CCDC7: variants seen among roughly 807,000 people sequenced by gnomAD.
CCDC7 encodes coiled-coil domain-containing protein 7.
CCDC7 carries 183 observed loss-of-function variants against 196.9 expected under a neutral mutation model. The ratio of observed to expected loss-of-function variants is 0.93; its 90% CI spans 0.82 to 1.05. CCDC7 has a LOEUF of 1.05. CCDC7 is among the 50% of genes least tolerant of loss of function. The pLI, the probability that CCDC7 is intolerant of heterozygous loss-of-function variation, is 0.00. For missense variants in CCDC7, 1,540 were observed against 1,482.2 expected, an observed-to-expected ratio of 1.04 and a Z score of -0.64; for synonymous variants, 525 against 484.6, an observed-to-expected ratio of 1.08 and a Z score of -1.10.
At chr10:32,583,294 C>T in exon 17 of CCDC7, 1 of 1,230,728 alleles carries the variant, frequency 8.1e-7, no homozygotes, top group East Asian at 3.2e-5. Flanking sequence ...CCTGTTCTTA[C>T]AGAAAGTAAA....
intron 41 of CCDC7, among the ~76,000 whole-genome samples, chr10:32,860,249 C>T (rs186411733): frequency 6.6e-6 from 1 of 152,182 alleles, no homozygotes; most frequent in African/African-American, 2.4e-5. Context: ...GGATGCAAGG[C>T]TGGTTCAGCA....
intron 9 of CCDC7, 22 bp from the exon 11 acceptor site, chr10:32,517,923 C>T (rs1564526274): frequency 2.5e-6 from 4 of 1,585,394 alleles, no homozygotes; most frequent in African/African-American, 1.4e-5. Context: ...TATAAACACA[C>T]TTTTTTTGGT....
intron 28 of CCDC7, among the ~76,000 whole-genome samples, chr10:32,759,628 T>A (rs950654547): frequency 1.4e-4 from 21 of 151,980 alleles, no homozygotes; most frequent in Non-Finnish European, 2.1e-4. Flanking sequence ...GTAGACCTAA[T>A]ACCATAAAAA....
rs1051875495 is a variant in CCDC7, at chr10:32,531,745, T to C, written c.994-11555T>C. On this transcript the variant is annotated intron_variant, in intron 11 of 41. Coordinates refer to ENST00000639629, the Ensembl canonical transcript of CCDC7. ...ATCTTGTTACTTATTATTGGTTTGC[T>C]GATGTTTTCTATTTCTCCATGGTTC... 3.4e-4 allele frequency among the ~76,000 whole-genome samples: 52 copies of C among 152,206 alleles called. 2 individuals carry two copies. The highest frequency in any genetic ancestry group is 4.4e-5 in the Non-Finnish European group (3 of 68,036).
chr10:32,692,357 C>T (rs562434843), intron 23 of CCDC7, among the ~76,000 whole-genome samples: 3 of 152,330 alleles, frequency 2.0e-5, no homozygotes, highest in African/African-American at 7.2e-5. Flanking sequence ...GTATGTGAAT[C>T]AGAGGATAAA....
chr10:32,550,898 T>C (rs1184602195), intron 13 of CCDC7, among the ~76,000 whole-genome samples: 1 of 152,152 alleles, frequency 6.6e-6, no homozygotes, highest in East Asian at 1.9e-4. Context: ...GGTATTGGGG[T>C]GATGCTGGCT....
At chr10:32,459,370 A>G (rs1180277058) in intron 3 of CCDC7, among the ~76,000 whole-genome samples, 2 of 152,126 alleles carry the variant, frequency 1.3e-5, no homozygotes, top group Non-Finnish European at 2.9e-5. Flanking sequence ...CAAAAGTGGG[A>G]ACCTCTAGAG....
At chr10:32,830,732 A>G (rs565752374) in intron 32 of CCDC7, among the ~76,000 whole-genome samples, 6 of 152,330 alleles carry the variant, frequency 3.9e-5, no homozygotes, top group Admixed American at 2.0e-4. Flanking sequence ...TAGTTTTAAC[A>G]GAAGAAATAA....
chr10:32,740,255 C>T (rs1055505884), intron 28 of CCDC7, among the ~76,000 whole-genome samples: 21 of 152,038 alleles, frequency 1.4e-4, no homozygotes, highest in Non-Finnish European at 4.4e-5. Context: ...AAAATAGTTT[C>T]CCTTGAGTGT....
At chr10:32,779,146 T>G (rs2080615648) in intron 29 of CCDC7, 62 bp downstream of exon 30, 9 of 1,215,758 alleles carry the variant, frequency 7.4e-6, no homozygotes, top group Non-Finnish European at 7.9e-6. Flanking sequence ...ATATTTCAAC[T>G]GTATAGTTCT....
At chr10:32,806,915 A>G (rs893268322) in intron 30 of CCDC7, among the ~76,000 whole-genome samples, 5 of 152,292 alleles carry the variant, frequency 3.3e-5, no homozygotes, top group Non-Finnish European at 7.4e-5. Flanking sequence ...CACTAAGATT[A>G]AAAGCTGACT....
intron 9 of CCDC7, chr10:32,513,832 T>C (rs569059120): frequency 6.6e-6 from 1 of 152,264 alleles, no homozygotes. Flanking sequence ...AAACCAGGAA[T>C]AGAAGGAAAC....
chr10:32,879,429 C>T (rs193156074), downstream of CCDC7, among the ~76,000 whole-genome samples: 2 of 152,074 alleles, frequency 1.3e-5, no homozygotes, highest in East Asian at 3.9e-4. Context: ...TTGCTCGGGG[C>T]GATGTGCATG....
chr10:32,733,305 A>T (rs535610850), intron 28 of CCDC7, among the ~76,000 whole-genome samples: 1 of 152,092 alleles, frequency 6.6e-6, no homozygotes, highest in African/African-American at 2.4e-5. Context: ...ATATTGCTGG[A>T]TAATTGATAT....
intron 23 of CCDC7, among the ~76,000 whole-genome samples, chr10:32,692,266 G>A (rs2141273961): frequency 6.6e-6 from 1 of 152,260 alleles, no homozygotes; most frequent in South Asian, 2.1e-4. Context: ...TTAGGGCCAG[G>A]AGCAATAACC....
At chr10:32,732,967 C>T (rs1207299758) in intron 28 of CCDC7, among the ~76,000 whole-genome samples, 1 of 152,032 alleles carries the variant, frequency 6.6e-6, no homozygotes. Flanking sequence ...ATGTGGCAAA[C>T]TTTGAATTGA....
intron 29 of CCDC7, among the ~76,000 whole-genome samples, chr10:32,800,356 G>A (rs2084525572): frequency 6.6e-6 from 1 of 152,180 alleles, no homozygotes; most frequent in Admixed American, 6.5e-5. Context: ...GGGAGCCAAT[G>A]TGGAGGTTCT....
At chr10:32,461,833 G>A (rs1220214125) in intron 3 of CCDC7, among the ~76,000 whole-genome samples, 2 of 149,380 alleles carry the variant, frequency 1.3e-5, no homozygotes, top group Admixed American at 6.7e-5. Context: ...GTGCAATGGC[G>A]TGATCTCGGC....
intron 9 of CCDC7, chr10:32,511,794 G>A (rs569154730): frequency 8.7e-6 from 11 of 1,257,494 alleles, no homozygotes; most frequent in South Asian, 6.2e-5. Context: ...GTCGGGCAAC[G>A]ATGACGACAA....
Sources: gnomAD v4.1 joint callset for allele counts (sites outside exome capture counted in the v4.1 genomes callset) on GRCh38, gnomAD v4.1.1 for gene constraint, MANE v1.5 for transcripts, NCBI Gene and HGNC (gene_info 2026-07-23, HGNC 2026-07-21) for gene names.